CCDC149: variants seen among roughly 807,000 people sequenced by gnomAD.
CCDC149 encodes the protein coiled-coil domain-containing protein 149.
A neutral mutation model predicts 59.9 loss-of-function variants in CCDC149; 45 were observed. The ratio of observed to expected loss-of-function variants is 0.75; its 90% CI spans 0.59 to 0.96. CCDC149 has a LOEUF of 0.96. CCDC149 is among the 40% of genes least tolerant of loss of function. The probability of loss-of-function intolerance (pLI) is 0.00; values close to 1 mark genes in which losing one functional copy is unlikely to be tolerated. For missense variants in CCDC149, 584 were observed against 664.7 expected (o/e 0.88, Z 1.33); for synonymous variants, 245 against 260.6 (o/e 0.94, Z 0.58).
At chr4:24,839,266 G>A (rs1018015500) in intron 4 of CCDC149, among the ~76,000 whole-genome samples, 3 of 151,048 alleles carry the variant, frequency 2.0e-5, no homozygotes, top group South Asian at 2.1e-4. Flanking sequence ...TGTAAGCTCC[G>A]CCTCCTGGGT....
intron 3 of CCDC149, among the ~76,000 whole-genome samples, chr4:24,855,654 T>C (rs925295231): frequency 4.0e-5 from 6 of 151,810 alleles, no homozygotes; most frequent in African/African-American, 1.5e-4. Context: ...CCCTGATCTC[T>C]ACTCACTTAT....
chr4:24,931,310 A>AATATATAT (rs71187200), intron 1 of CCDC149, among the ~76,000 whole-genome samples: 3,939 of 138,176 alleles, frequency 0.029, 183 homozygotes, highest in African/African-American at 0.069. Flanking sequence ...TTTATTTTAA[A>AATATATAT]ATATATATAT....
intron 1 of CCDC149, among the ~76,000 whole-genome samples, chr4:24,961,848 A>G (rs929972418): frequency 4.6e-5 from 7 of 152,208 alleles, no homozygotes; most frequent in Admixed American, 3.9e-4. Context: ...ACCTAAAACC[A>G]TAAAAACCCT....
At chr4:24,952,626 AATATATATATATATATATATATAT>A (rs199615303) in intron 1 of CCDC149, among the ~76,000 whole-genome samples, 4 of 28,458 alleles carry the variant, frequency 1.4e-4, no homozygotes, top group Admixed American at 7.4e-4. Flanking sequence ...AAAAAAAAAA[AATATATATATATATATATATATAT>A]ATATATATAT....
intron 1 of CCDC149, among the ~76,000 whole-genome samples, chr4:24,907,468 G>A (rs1721601170): frequency 6.6e-6 from 1 of 152,174 alleles, no homozygotes. Context: ...CTACCTGCCT[G>A]AGCGATTTCT....
At chr4:24,976,681 C>G (rs1724213441) in intron 1 of CCDC149, among the ~76,000 whole-genome samples, 3 of 152,148 alleles carry the variant, frequency 2.0e-5, no homozygotes, top group African/African-American at 4.8e-5. Flanking sequence ...CCACTGCACT[C>G]CAGCCATCTG....
chr4:24,847,014 A>C (rs1377352965), intron 4 of CCDC149, among the ~76,000 whole-genome samples: 2 of 152,222 alleles, frequency 1.3e-5, no homozygotes, highest in Non-Finnish European at 2.9e-5. Flanking sequence ...CACAAAATGC[A>C]AGAAAGTTCC....
At chr4:24,905,406 C>CGT (rs1370768602) in intron 1 of CCDC149, among the ~76,000 whole-genome samples, 11 of 110,400 alleles carry the variant, frequency 1.0e-4, no homozygotes, top group African/African-American at 3.2e-4. Context: ...TTTCTTTTTG[C>CGT]GTGCGTGCGT....
At chr4:24,815,290 AC>A (rs1367270637) in intron 12 of CCDC149, among the ~76,000 whole-genome samples, 1 of 152,214 alleles carries the variant, frequency 6.6e-6, no homozygotes, top group Non-Finnish European at 1.5e-5. Context: ...AAGATTTCTG[AC>A]TTGCACAAAC....
intron 4 of CCDC149, among the ~76,000 whole-genome samples, chr4:24,848,462 A>G (rs992521249): frequency 1.3e-5 from 2 of 152,010 alleles, no homozygotes; most frequent in African/African-American, 4.8e-5. Context: ...CCAGCTACTC[A>G]GGAGGCTGAG....
chr4:24,911,858 A>C (rs1313965688), intron 1 of CCDC149, among the ~76,000 whole-genome samples: 3 of 152,200 alleles, frequency 2.0e-5, no homozygotes, highest in Non-Finnish European at 4.4e-5. Context: ...AAAGGAAAAG[A>C]GCAAACCGAT....
At chr4:24,929,294 G>A (rs1722519875) in intron 1 of CCDC149, among the ~76,000 whole-genome samples, 2 of 152,294 alleles carry the variant, frequency 1.3e-5, no homozygotes, top group Non-Finnish European at 2.9e-5. Flanking sequence ...TCGGCTCTCA[G>A]CGGCTCATGA....
chr4:24,949,767 T>C (rs1723227483), intron 1 of CCDC149, among the ~76,000 whole-genome samples: 1 of 152,132 alleles, frequency 6.6e-6, no homozygotes, highest in Non-Finnish European at 1.5e-5. Context: ...GAACAGTGCA[T>C]TGTGGAGTTA....
At position 24,806,950 on chromosome 4, in the gene CCDC149, A is replaced by C. The variant is rs1714223299; in HGVS notation, c.*1439T>G. ...CTAGCAGAGTGATTCCTGGAGATGC[A>C]ATCTGGGAGGGATGTATCCACGTGG... On this transcript the variant is annotated 3_prime_UTR_variant, in exon 13 of 13. Coordinates refer to ENST00000635206, the MANE Select transcript of CCDC149 (RefSeq NM_001330643.2). 6.5e-6 allele frequency: 1 copy of C among 152,832 alleles called. No homozygotes were observed. Among genetic ancestry groups the C allele is most frequent in the Admixed American group, 6.5e-5 (1 of 15,276 alleles). 9.5% of individuals were successfully genotyped at this position (152,832 alleles called of 1,614,324 possible).
At chr4:24,934,607 T>C (rs1332211932) in intron 1 of CCDC149, among the ~76,000 whole-genome samples, 1 of 152,176 alleles carries the variant, frequency 6.6e-6, no homozygotes, top group Non-Finnish European at 1.5e-5. Flanking sequence ...CAGAATTAGT[T>C]ATCTATTACA....
At chr4:24,876,719 G>A (rs1339217317) in intron 1 of CCDC149, 22 bp from the exon 2 acceptor site, 4 of 1,588,672 alleles carry the variant, frequency 2.5e-6, no homozygotes, top group African/African-American at 1.3e-5. Context: ...ACAAATCCAG[G>A]CAATGGGTCA....
At chr4:24,846,618 G>A (rs1312852214) in intron 4 of CCDC149, among the ~76,000 whole-genome samples, 1 of 152,100 alleles carries the variant, frequency 6.6e-6, no homozygotes, top group Non-Finnish European at 1.5e-5. Flanking sequence ...AAAGTCCCAC[G>A]TCAATAGAGG....
At chr4:24,925,525 T>G (rs1722414184) in intron 1 of CCDC149, among the ~76,000 whole-genome samples, 1 of 152,224 alleles carries the variant, frequency 6.6e-6, no homozygotes, top group African/African-American at 2.4e-5. Context: ...TATTTTGTTT[T>G]ACTTTGTATC....
intron 4 of CCDC149, among the ~76,000 whole-genome samples, chr4:24,839,896 T>G (rs1257579982): frequency 6.6e-6 from 1 of 152,126 alleles, no homozygotes; most frequent in Non-Finnish European, 1.5e-5. Flanking sequence ...TGGGGACAGT[T>G]TTTCACTGTC....
Sources: allele counts gnomAD v4.1 joint callset (sites outside exome capture counted in the v4.1 genomes callset), GRCh38; gene constraint gnomAD v4.1.1; transcripts MANE v1.5; gene names NCBI Gene and HGNC (gene_info 2026-07-23, HGNC 2026-07-21).